DICER1: variants seen among roughly 807,000 people sequenced by gnomAD.
The protein encoded by DICER1 is dicer 1, ribonuclease III.
In DICER1, 43 loss-of-function variants were observed where a neutral mutation model predicts 194.1. The ratio of observed to expected loss-of-function variants is 0.22; its 90% CI spans 0.17 to 0.29. The LOEUF (loss-of-function observed/expected upper bound fraction) is 0.29. Ranked by LOEUF, DICER1 falls within the 10% of genes least tolerant of loss-of-function variation. The pLI, the probability that DICER1 is intolerant of heterozygous loss-of-function variation, is 1.00. For missense variants in DICER1, 1,608 were observed against 2,317.0 expected (o/e 0.69, Z 6.28); for synonymous variants, 832 against 820.5 (o/e 1.01, Z -0.24).
chr14:95,144,572 T>G (rs1437890075), intron 1 of DICER1, among the ~76,000 whole-genome samples: 1 of 152,186 alleles, frequency 6.6e-6, no homozygotes, highest in African/African-American at 2.4e-5. Flanking sequence ...TTTAGCATAA[T>G]TCTTAAACTC....
At chr14:95,111,258 T>C (rs1891927138) in intron 14 of DICER1, 59 bp downstream of exon 14, 1 of 1,604,932 alleles carries the variant, frequency 6.2e-7, no homozygotes, top group Non-Finnish European at 8.5e-7. Context: ...TGAGATTTGA[T>C]GTAGCGGAAA....
intron 1 of DICER1, among the ~76,000 whole-genome samples, chr14:95,151,788 G>A (rs1395940444): frequency 6.7e-6 from 1 of 149,622 alleles, no homozygotes; most frequent in Non-Finnish European, 1.5e-5. Flanking sequence ...CGGACAGGCT[G>A]TGAGTTCATC....
chr14:95,154,366 A>C (rs183424562), intron 1 of DICER1, among the ~76,000 whole-genome samples: 2 of 152,356 alleles, frequency 1.3e-5, no homozygotes, highest in Admixed American at 6.5e-5. Context: ...TATGTCTAAA[A>C]GAAGGGAAAG....
chr14:95,092,168 G>A (rs953193947), intron 24 of DICER1, among the ~76,000 whole-genome samples: 1 of 152,092 alleles, frequency 6.6e-6, no homozygotes, highest in Non-Finnish European at 1.5e-5. Flanking sequence ...TGAGCATCAC[G>A]ATACCCATCA....
At chr14:95,128,804 A>C (rs1230527477) in intron 6 of DICER1, among the ~76,000 whole-genome samples, 1 of 152,258 alleles carries the variant, frequency 6.6e-6, no homozygotes, top group Non-Finnish European at 1.5e-5. Flanking sequence ...ACCACTAGGT[A>C]ATCTTTAGCC....
chr14:95,121,011 G>C (rs151086193), intron 8 of DICER1, among the ~76,000 whole-genome samples: 240 of 152,282 alleles, frequency 1.6e-3, no homozygotes, highest in African/African-American at 5.5e-3. Flanking sequence ...CATGACGAGT[G>C]ACGTTTTGTG....
At chr14:95,116,095 G>C (rs1892440378) in intron 10 of DICER1, among the ~76,000 whole-genome samples, 1 of 149,332 alleles carries the variant, frequency 6.7e-6, no homozygotes. Flanking sequence ...ACACACGACT[G>C]TTAGTCTTTC....
At chr14:95,110,323 G>A (rs1296458099) in intron 14 of DICER1, among the ~76,000 whole-genome samples, 1 of 152,232 alleles carries the variant, frequency 6.6e-6, no homozygotes, top group Non-Finnish European at 1.5e-5. Context: ...GCCCCATGCA[G>A]GAACCCATCC....
In DICER1 at chr14:95,107,676, T is replaced by C. The variant is rs1595379053; in HGVS notation, c.2736A>G (p.Thr912=). The C allele has an allele frequency of 1.2e-6, 2 of 1,613,426 alleles. No individual in the cohort carries two copies. The highest frequency in any genetic ancestry group is 2.7e-5 in the African/African-American group (2 of 74,940). ...CAAAGGGTGTTTCTTTTGTATACTTTGTACTGGGAATGCCTATGCGAGCTT... is the reference window on the plus strand; with the variant it reads ...CAAAGGGTGTTTCTTTTGTATACTTCGTACTGGGAATGCCTATGCGAGCTT... ...KSEARIGIPS[T]KYTKETPFVF... is the part of the protein sequence containing the mutation. Residue 912 remains threonine, a synonymous_variant, in exon 17 of 27, where the codon ACA becomes ACG. Coordinates refer to ENST00000343455, the MANE Select transcript of DICER1 (RefSeq NM_177438.3).
In DICER1 at chr14:95,124,253, T is replaced by C. The variant is rs1595438165; in HGVS notation, c.1319A>G (p.Asn440Ser). Reference protein sequence around the residue: ...PETNFPSPFTNILCGIIFVER... With the variant: ...PETNFPSPFTSILCGIIFVER... ...CACAAAAATAATTCCGCACAAAATG[T>C]TGGTAAAAGGAGAAGGAAAATTTGT... Residue 440 changes from asparagine to serine, a missense_variant, in exon 8 of 27, where the codon AAC becomes AGC. By Grantham distance (46) the Asn-to-Ser change is conservative (BLOSUM62 1). Transcript: ENST00000343455. This position sits in a 1 kb window ranked among gnomAD's most constrained non-coding sequence, Gnocchi z 4.5. 3 of 1,614,020 alleles carry C rather than the reference T, an allele frequency of 1.9e-6. No homozygotes were observed. The highest frequency in any genetic ancestry group is 2.2e-5 in the East Asian group (1 of 44,888).
intron 1 of DICER1, chr14:95,140,773 C>G (rs1262611983): frequency 1.3e-5 from 2 of 152,056 alleles, no homozygotes; most frequent in African/African-American, 4.8e-5. Context: ...AAAATAAATG[C>G]AAAAATAGCC....
In DICER1 at chr14:95,096,105, A is replaced by G. The variant is rs1060504976; in HGVS notation, c.4815T>C (p.Pro1605=). 2.5e-6 allele frequency: 4 copies of G among 1,614,114 alleles called. No homozygotes were observed. Among genetic ancestry groups the G allele is most frequent in the Non-Finnish European group, 2.5e-6 (3 of 1,180,038 alleles). ...GTTGGCTGTTGAAATTCTCCCGAGTAGGGCACAGGGCCTTTTCCCGATCAG... is the reference window on the plus strand; with the variant it reads ...GTTGGCTGTTGAAATTCTCCCGAGTGGGGCACAGGGCCTTTTCCCGATCAG... ...KRTDREKALC[P]TRENFNSQQK... Residue 1605 remains proline, a synonymous_variant, in exon 23 of 27, where the codon CCT becomes CCC. Transcript: ENST00000343455.
chr14:95,118,800 T>A (rs1195844992), intron 8 of DICER1, among the ~76,000 whole-genome samples: 89 of 145,190 alleles, frequency 6.1e-4, no homozygotes, highest in African/African-American at 1.0e-3. Context: ...ATCATTCTTT[T>A]AAAAAAAAAA....
At position 95,133,371 on chromosome 14, in the gene DICER1, G is replaced by C; in HGVS notation, c.88C>G (p.Leu30Val). The C allele has an allele frequency of 6.2e-7, 1 of 1,614,144 alleles. No homozygotes were observed. Among genetic ancestry groups the C allele is most frequent in the Non-Finnish European group, 8.5e-7 (1 of 1,180,004 alleles). Residue 30 changes from leucine (L) to valine (V), a missense_variant, in exon 2 of 27, where the codon CTG becomes GTG. Around this residue, in one of 10 missense-constraint regions of DICER1, gnomAD observed 657 missense variants for 910.1 expected, o/e 0.72. Coordinates refer to ENST00000343455, the MANE Select transcript of DICER1 (RefSeq NM_177438.3). The part of the protein sequence containing the change: ...ASSPMGPFFG[L>V]PWQQEAIHDN... ...TGAATTGCTTCTTGTTGCCATGGCAGTCCAAAGAAAGGACCCATTGGTGAG... is the reference window on the plus strand; with the variant it reads ...TGAATTGCTTCTTGTTGCCATGGCACTCCAAAGAAAGGACCCATTGGTGAG...
upstream of DICER1, chr14:95,157,575 TGGC>T (rs1421683853): frequency 6.6e-6 from 1 of 152,454 alleles, no homozygotes; most frequent in Non-Finnish European, 1.5e-5. Flanking sequence ...GCTCGCCCCG[TGGC>T]GGCATGAGAG....
chr14:95,119,043 G>A (rs1277865701), intron 8 of DICER1, among the ~76,000 whole-genome samples: 1 of 152,124 alleles, frequency 6.6e-6, no homozygotes, highest in Non-Finnish European at 1.5e-5. Context: ...ACAGAAAGCA[G>A]TGTTACATGC....
chr14:95,096,180 C>A lies in DICER1; in HGVS notation c.4740G>T (p.Gln1580His), dbSNP rs369465519. The change falls in exon 23 of 27, where the codon CAG becomes CAT. Residue 1580 changes from glutamine to histidine, a missense_variant. Transcript: ENST00000343455. Reference protein sequence around the residue: ...YLTSCGERAAQLFLCSLGLKV... With the variant: ...YLTSCGERAAHLFLCSLGLKV... Reference sequence around the variant, plus strand: ...TCAGCCCCAGTGAACAGAGGAAAAGCTGAGCAGCCCTCTCCCCACAGCTGG... The same window carrying A: ...TCAGCCCCAGTGAACAGAGGAAAAGATGAGCAGCCCTCTCCCCACAGCTGG... 4.6e-5 allele frequency: 74 copies of A among 1,614,104 alleles called. No individual in the cohort carries two copies. Among genetic ancestry groups the A allele is most frequent in the Non-Finnish European group, 6.2e-5 (73 of 1,180,036 alleles).
At chr14:95,144,709 G>A (rs17091852) in intron 1 of DICER1, among the ~76,000 whole-genome samples, 5,038 of 152,136 alleles carry the variant, frequency 0.033, 307 homozygotes, top group African/African-American at 0.12. Flanking sequence ...AGATTAACCT[G>A]AAAAACCACA....
At chr14:95,091,178 T>C in intron 25 of DICER1, 25 bp downstream of exon 25, 1 of 1,614,216 alleles carries the variant, frequency 6.2e-7, no homozygotes, top group Non-Finnish European at 8.5e-7. Flanking sequence ...TGGGTTTTTT[T>C]CTTTCTAAAG....
Sources: gnomAD v4.1 joint callset for allele counts (sites outside exome capture counted in the v4.1 genomes callset) on GRCh38, gnomAD v4.1.1 for gene constraint, gnomAD v4.1.1 regional missense constraint, Gnocchi (gnomAD v3.1) non-coding constraint, MANE v1.5 for transcripts, NCBI Gene and HGNC (gene_info 2026-07-23, HGNC 2026-07-21) for gene names.